The following TMEM132D variants were observed in gnomAD, a reference collection of about 807,000 sequenced individuals.
TMEM132D encodes transmembrane protein 132D, also known as mature OL transmembrane protein.
In TMEM132D, 21 loss-of-function variants were observed where a neutral mutation model predicts 62.3. That is an observed-to-expected ratio of 0.34 (90% CI 0.24 to 0.49). TMEM132D has a LOEUF of 0.49. Ranked by LOEUF, TMEM132D falls within the 20% of genes least tolerant of loss-of-function variation. TMEM132D has a pLI of 0.99. For missense variants in TMEM132D, 1,346 were observed against 1,402.8 expected (o/e 0.96, Z 0.65); for synonymous variants, 621 against 575.6 (o/e 1.08, Z -1.13).
At chr12:129,086,213 T>C (rs1318875932) in intron 5 of TMEM132D, among the ~76,000 whole-genome samples, 8 of 152,020 alleles carry the variant, frequency 5.3e-5, no homozygotes, top group African/African-American at 1.9e-4. Flanking sequence ...TGTGTGTGTG[T>C]GTGTGTGTGT....
At chr12:129,350,637 C>T (rs1195963601) in intron 3 of TMEM132D, among the ~76,000 whole-genome samples, 2 of 152,200 alleles carry the variant, frequency 1.3e-5, no homozygotes, top group African/African-American at 2.4e-5. Flanking sequence ...AGACTTCAGC[C>T]TCTCTGCATA....
At chr12:129,541,212 C>A (rs575144616) in intron 2 of TMEM132D, among the ~76,000 whole-genome samples, 1 of 152,280 alleles carries the variant, frequency 6.6e-6, no homozygotes, top group South Asian at 2.1e-4. Flanking sequence ...CAGCAAGGAA[C>A]ACACGCAGGC....
intron 3 of TMEM132D, among the ~76,000 whole-genome samples, chr12:129,362,726 T>G (rs1870287598): frequency 6.6e-6 from 1 of 152,200 alleles, no homozygotes; most frequent in African/African-American, 2.4e-5. Context: ...AAACTCTTTC[T>G]GCTCAGCATC....
chr12:129,231,530 T>C (rs1328659998), intron 4 of TMEM132D, among the ~76,000 whole-genome samples: 1 of 152,218 alleles, frequency 6.6e-6, no homozygotes, highest in Non-Finnish European at 1.5e-5. Context: ...AACCAATTGT[T>C]CTTTTATTGG....
intron 1 of TMEM132D, among the ~76,000 whole-genome samples, chr12:129,822,433 G>T (rs978159299): frequency 1.3e-5 from 2 of 152,156 alleles, no homozygotes; most frequent in Non-Finnish European, 2.9e-5. Context: ...GCTCCCAAGG[G>T]TCCCTCCCCA....
At position 129,149,231 on chromosome 12, in the gene TMEM132D, G is replaced by T. The variant is rs111291872; in HGVS notation, c.1443+60289C>A. Reference sequence around the variant, plus strand: ...GTCACACACCAGGGCCTGTTGGGGGGTGGGGGGCAAGGGGAGGGAGAGCAC... The same window carrying T: ...GTCACACACCAGGGCCTGTTGGGGGTTGGGGGGCAAGGGGAGGGAGAGCAC... On this transcript the variant is annotated intron_variant, in intron 5 of 8. Coordinates refer to ENST00000422113, the MANE Select transcript of TMEM132D (RefSeq NM_133448.3). Among the ~76,000 whole-genome samples, 992 of 151,680 alleles carry T rather than the reference G, an allele frequency of 6.5e-3. 12 individuals carry two copies. Among genetic ancestry groups the T allele is most frequent in the African/African-American group, 0.022 (919 of 41,336 alleles).
chr12:129,494,678 A>C (rs1298174396), intron 3 of TMEM132D, among the ~76,000 whole-genome samples: 1 of 152,048 alleles, frequency 6.6e-6, no homozygotes, highest in Non-Finnish European at 1.5e-5. Context: ...ATCTCCCCTC[A>C]AAAAAAGAGA....
chr12:129,252,106 T>C (rs1483442084), intron 4 of TMEM132D, among the ~76,000 whole-genome samples: 1 of 152,204 alleles, frequency 6.6e-6, no homozygotes, highest in Admixed American at 6.5e-5. Flanking sequence ...TGTTCAATAA[T>C]AATTTGTGTA....
At chr12:129,880,038 A>G (rs1874543810) in intron 1 of TMEM132D, among the ~76,000 whole-genome samples, 1 of 152,172 alleles carries the variant, frequency 6.6e-6, no homozygotes, top group Admixed American at 6.5e-5. Flanking sequence ...CCCAAGCAGG[A>G]TAAATAAATT....
chr12:129,183,259 C>A (rs897821013), intron 5 of TMEM132D, among the ~76,000 whole-genome samples: 3 of 152,220 alleles, frequency 2.0e-5, no homozygotes, highest in African/African-American at 7.2e-5. Flanking sequence ...CCAGTCAACA[C>A]GTGGCTGAGC....
intron 4 of TMEM132D, among the ~76,000 whole-genome samples, chr12:129,261,070 T>G (rs1348218408): frequency 6.6e-6 from 1 of 152,224 alleles, no homozygotes; most frequent in East Asian, 1.9e-4. Flanking sequence ...TACTTTTAGT[T>G]CTTTAAGGAA....
chr12:129,336,792 C>T (rs1378126499), intron 4 of TMEM132D, among the ~76,000 whole-genome samples: 1 of 152,108 alleles, frequency 6.6e-6, no homozygotes, highest in Non-Finnish European at 1.5e-5. Context: ...CAGCATGCAG[C>T]CGGGCCTGGG....
intron 3 of TMEM132D, among the ~76,000 whole-genome samples, chr12:129,421,193 C>T (rs932479954): frequency 6.6e-6 from 1 of 152,080 alleles, no homozygotes; most frequent in African/African-American, 2.4e-5. Context: ...GAACTCCCGG[C>T]CTCAAATGAT....
At chr12:129,194,389 T>C (rs1002216531) in intron 5 of TMEM132D, among the ~76,000 whole-genome samples, 1 of 152,172 alleles carries the variant, frequency 6.6e-6, no homozygotes, top group Non-Finnish European at 1.5e-5. Context: ...TTCTCACTTA[T>C]AAGTGGGAGC....
At chr12:129,151,448 G>A (rs957377398) in intron 5 of TMEM132D, among the ~76,000 whole-genome samples, 2 of 152,274 alleles carry the variant, frequency 1.3e-5, no homozygotes, top group Middle Eastern at 3.4e-3. Flanking sequence ...GCTGACCCTC[G>A]GTGTCTCCGA....
chr12:129,788,938 T>A (rs960134967), intron 1 of TMEM132D, among the ~76,000 whole-genome samples: 1 of 152,092 alleles, frequency 6.6e-6, no homozygotes, highest in Non-Finnish European at 1.5e-5. Context: ...CCGTGAGTGA[T>A]GGGGAACCAC....
At chr12:129,704,964 A>G (rs958887815) in intron 1 of TMEM132D, among the ~76,000 whole-genome samples, 4 of 152,242 alleles carry the variant, frequency 2.6e-5, no homozygotes, top group African/African-American at 9.6e-5. Flanking sequence ...CTGAGATGGA[A>G]GAAGATCCTG....
intron 5 of TMEM132D, among the ~76,000 whole-genome samples, chr12:129,143,575 C>G (rs187506832): frequency 1.0e-3 from 152 of 152,292 alleles, no homozygotes; most frequent in Non-Finnish European, 1.3e-3. Context: ...ATTCTGTTTC[C>G]TGAAGCCTAA....
chr12:129,638,084 C>A (rs1565931816), intron 2 of TMEM132D, among the ~76,000 whole-genome samples: 1 of 152,190 alleles, frequency 6.6e-6, no homozygotes, highest in Non-Finnish European at 1.5e-5. Flanking sequence ...TGAAATGAAA[C>A]ACAAATCAGC....
Sources: gnomAD v4.1 joint callset for allele counts (sites outside exome capture counted in the v4.1 genomes callset) on GRCh38, gnomAD v4.1.1 for gene constraint, MANE v1.5 for transcripts, NCBI Gene and HGNC (gene_info 2026-07-23, HGNC 2026-07-21) for gene names.